The following PIP5K1A variants were observed in gnomAD, a reference collection of about 807,000 sequenced individuals.
PIP5K1A encodes phosphatidylinositol 4-phosphate 5-kinase type-1 alpha.
A neutral mutation model predicts 72.9 loss-of-function variants in PIP5K1A; 46 were observed. The ratio of observed to expected loss-of-function variants is 0.63; its 90% CI spans 0.50 to 0.81. The LOEUF (loss-of-function observed/expected upper bound fraction) is 0.81, where lower values mean the gene tolerates loss of function less well. Ranked by LOEUF, PIP5K1A falls within the 30% of genes least tolerant of loss-of-function variation. The pLI, the probability that PIP5K1A is intolerant of heterozygous loss-of-function variation, is 0.00. For missense variants in PIP5K1A, 458 were observed against 706.1 expected (o/e 0.65, Z 3.98); for synonymous variants, 228 against 255.1 (o/e 0.89, Z 1.01).
intron 1 of PIP5K1A, among the ~76,000 whole-genome samples, chr1:151,208,138 G>A (rs1686208340): frequency 6.6e-6 from 1 of 152,102 alleles, no homozygotes. Flanking sequence ...GGGATTACAG[G>A]TGTGAGCCAC....
rs957456324 is a variant in PIP5K1A at position 151,232,608 on chromosome 1, C to T, written c.544C>T (p.Leu182=). ...CTGTAGCTCTGGAGCTAGTGGTTCC[C>T]TATTCTATGTGTCCAGCGACGATGA... ...ELCSSGASGS[L]FYVSSDDEFI... is the part of the protein sequence containing the mutation. The change falls in exon 7 of 16, where the codon CTA becomes TTA. Residue 182 remains leucine (L), a synonymous_variant. Transcript: ENST00000368888. 2 of 1,610,852 alleles carry T rather than the reference C, an allele frequency of 1.2e-6. No individual in the cohort carries two copies. The highest frequency in any genetic ancestry group is 2.7e-5 in the African/African-American group (2 of 74,680).
chr1:151,225,645 T>C (rs1327753755), intron 3 of PIP5K1A, among the ~76,000 whole-genome samples: 1 of 150,912 alleles, frequency 6.6e-6, no homozygotes, highest in Non-Finnish European at 1.5e-5. Flanking sequence ...AATTTTTGTA[T>C]TTTTAGTAGA....
chr1:151,239,276 C>CTTTTT, intron 11 of PIP5K1A, 98 bp downstream of exon 11: 1 of 606,476 alleles, frequency 1.6e-6, no homozygotes, highest in South Asian at 2.1e-5. Context: ...TTTCTTTTTT[C>CTTTTT]TTTTTTTTTT....
intron 8 of PIP5K1A, among the ~76,000 whole-genome samples, chr1:151,234,761 T>G (rs1447561583): frequency 6.6e-6 from 1 of 152,234 alleles, no homozygotes; most frequent in Non-Finnish European, 1.5e-5. Flanking sequence ...ACCAACATCA[T>G]CCTTCCTCAG....
chr1:151,238,454 C>T (rs1268110634), intron 10 of PIP5K1A, 189 bp downstream of exon 10: 1 of 559,650 alleles, frequency 1.8e-6, no homozygotes, highest in Non-Finnish European at 3.2e-6. Flanking sequence ...GCCTTTATAA[C>T]CCTTCCTCCC....
intron 1 of PIP5K1A, among the ~76,000 whole-genome samples, chr1:151,208,137 G>T (rs764839500): frequency 6.6e-6 from 1 of 151,732 alleles, no homozygotes; most frequent in African/African-American, 2.4e-5. Flanking sequence ...TGGGATTACA[G>T]GTGTGAGCCA....
chr1:151,214,932 G>A (rs1687362159), intron 1 of PIP5K1A, among the ~76,000 whole-genome samples: 1 of 151,554 alleles, frequency 6.6e-6, no homozygotes, highest in Non-Finnish European at 1.5e-5. Context: ...TGCCCAGGCT[G>A]GTCTCGAACT....
intron 3 of PIP5K1A, 45 bp from the exon 4 acceptor site, chr1:151,227,275 G>A (rs1262995008): frequency 1.8e-6 from 2 of 1,113,640 alleles, no homozygotes; most frequent in East Asian, 2.4e-5. Flanking sequence ...TAGCTATTTG[G>A]TGTCTTACAT....
chr1:151,215,518 C>G (rs952059304), intron 1 of PIP5K1A, among the ~76,000 whole-genome samples: 2 of 151,982 alleles, frequency 1.3e-5, no homozygotes, highest in Admixed American at 6.6e-5. Context: ...TTAGTAGAGA[C>G]GGGTTTTCAC....
At chr1:151,246,691 CAG>C (rs976409859) in intron 14 of PIP5K1A, among the ~76,000 whole-genome samples, 13 of 152,058 alleles carry the variant, frequency 8.5e-5, no homozygotes, top group African/African-American at 3.1e-4. Context: ...GAGATTGAAA[CAG>C]AAGAGGGCAG....
Position 151,247,739 on chromosome 1 carries a change from A to T in PIP5K1A, c.1687-124A>T, listed in dbSNP as rs950952252. 58 of 804,898 alleles carry T rather than the reference A, an allele frequency of 7.2e-5. 1 individual carries two copies. The African/African-American group carries it at 9.2e-4, about 13-fold the overall frequency. 49.9% of individuals were successfully genotyped at this position (804,898 alleles called of 1,614,324 possible). On this transcript the variant is annotated intron_variant, in intron 15 of 15. Transcript: ENST00000368888. ...ATGCGCGGCCGCCATCTTGTTTTTTAAAAAATATTTTTGGTACCTCATACT... is the reference window on the plus strand; with the variant it reads ...ATGCGCGGCCGCCATCTTGTTTTTTTAAAAATATTTTTGGTACCTCATACT...
chr1:151,216,961 A>G (rs935465014), intron 1 of PIP5K1A, among the ~76,000 whole-genome samples: 3 of 143,148 alleles, frequency 2.1e-5, no homozygotes, highest in Non-Finnish European at 4.5e-5. Flanking sequence ...CGCCCAGGCT[A>G]GAGTGCAGTG....
intron 1 of PIP5K1A, among the ~76,000 whole-genome samples, chr1:151,207,688 C>T (rs587677328): frequency 2.6e-4 from 39 of 151,940 alleles, no homozygotes; most frequent in Admixed American, 5.3e-4. Flanking sequence ...CACGCCACCA[C>T]GCCTGGCTAA....
At chr1:151,213,138 C>T (rs900483455) in intron 1 of PIP5K1A, among the ~76,000 whole-genome samples, 2 of 152,164 alleles carry the variant, frequency 1.3e-5, no homozygotes, top group African/African-American at 2.4e-5. Context: ...ATTCCCCCGC[C>T]TTGGCCTCCC....
chr1:151,229,341 C>T (rs1193047961), intron 4 of PIP5K1A, among the ~76,000 whole-genome samples: 1 of 151,456 alleles, frequency 6.6e-6, no homozygotes, highest in Non-Finnish European at 1.5e-5. Flanking sequence ...GCCTCAGCCA[C>T]CACACCTGGC....
chr1:151,247,970 A>T lies in PIP5K1A; in HGVS notation c.*105A>T. On this transcript the variant is annotated 3_prime_UTR_variant, in exon 16 of 16. Transcript: ENST00000368888. Reference sequence around the variant, plus strand: ...TGAATTTTCTTCTACTTGGTCATCAAAAAAGGAGTGTAATAGAAGTGAGGG... The same window carrying T: ...TGAATTTTCTTCTACTTGGTCATCATAAAAGGAGTGTAATAGAAGTGAGGG... 1 of 1,003,972 alleles carries T rather than the reference A, an allele frequency of 1.0e-6. No homozygotes were observed. 62.2% of individuals were successfully genotyped at this position (1,003,972 alleles called of 1,614,324 possible).
chr1:151,221,547 T>G (rs1688397450), intron 1 of PIP5K1A, among the ~76,000 whole-genome samples: 1 of 152,164 alleles, frequency 6.6e-6, no homozygotes, highest in Non-Finnish European at 1.5e-5. Context: ...TGCCTTAGAT[T>G]GGGAAATGCA....
At chr1:151,216,348 C>CAA (rs587687791) in intron 1 of PIP5K1A, among the ~76,000 whole-genome samples, 31 of 53,264 alleles carry the variant, frequency 5.8e-4, no homozygotes, top group South Asian at 1.2e-3. Flanking sequence ...GACTCCGTCT[C>CAA]AAAAAAAAAA....
rs141524871 is a variant in PIP5K1A, at chr1:151,248,453, C to G, written c.*588C>G. On this transcript the variant is annotated 3_prime_UTR_variant, in exon 16 of 16. Coordinates refer to ENST00000368888, the MANE Select transcript of PIP5K1A (RefSeq NM_001135638.2). The stretch of plus-strand genomic sequence containing the variant: ...ACACAATTTCAAGCCATTTTCAGAT[C>G]AGAACTCCAGAAGTGTTGACAAGAT... 6.6e-6 allele frequency: 1 copy of G among 152,296 alleles called. No homozygotes were observed. The highest frequency in any genetic ancestry group is 2.4e-5 in the African/African-American group (1 of 41,448). 9.4% of individuals were successfully genotyped at this position (152,296 alleles called of 1,614,324 possible). A position where few individuals can be genotyped will look rare whatever the true frequency, so the allele number is the denominator to read the frequency against.
Sources: gnomAD v4.1 joint callset for allele counts (sites outside exome capture counted in the v4.1 genomes callset) on GRCh38, gnomAD v4.1.1 for gene constraint, MANE v1.5 for transcripts, NCBI Gene and HGNC (gene_info 2026-07-23, HGNC 2026-07-21) for gene names.